The following BBS7 variants were observed in gnomAD, a reference collection of about 807,000 sequenced individuals.
The protein encoded by BBS7 is Bardet-Biedl syndrome 7.
BBS7 carries 50 observed loss-of-function variants against 90.3 expected under a neutral mutation model. The observed-to-expected ratio is 0.55, with a 90% CI of 0.44 to 0.70. The LOEUF (loss-of-function observed/expected upper bound fraction) is 0.70, where lower values mean the gene tolerates loss of function less well. Among genes scored for constraint, BBS7 ranks in the 30% least tolerant of loss-of-function variants. The probability of loss-of-function intolerance (pLI) is 0.00; values close to 1 mark genes in which losing one functional copy is unlikely to be tolerated. For missense variants in BBS7, 729 were observed against 838.9 expected, an observed-to-expected ratio of 0.87 and a Z score of 1.62; for synonymous variants, 235 against 287.4, an observed-to-expected ratio of 0.82 and a Z score of 1.85.
chr4:121,868,160 G>T (rs2149094353), intron 1 of BBS7, 114 bp from the exon 2 acceptor site: 2 of 823,946 alleles, frequency 2.4e-6, no homozygotes, highest in East Asian at 2.6e-5. Flanking sequence ...ACTATTATCA[G>T]TAATTAATTT....
chr4:121,860,417 T>C (rs1229958089), intron 4 of BBS7, among the ~76,000 whole-genome samples: 1 of 152,080 alleles, frequency 6.6e-6, no homozygotes, highest in Non-Finnish European at 1.5e-5. Flanking sequence ...ACCTTACAAA[T>C]GTGGGGATTC....
At chr4:121,833,134 A>G (rs1476688425) in intron 15 of BBS7, 97 bp downstream of exon 15, 1 of 1,183,528 alleles carries the variant, frequency 8.4e-7, no homozygotes, top group African/African-American at 1.5e-5. Flanking sequence ...TAGATTTTCA[A>G]TCAGATTACT....
At position 121,864,236 on chromosome 4, in the gene BBS7, C is replaced by G. The variant is rs114220333; in HGVS notation, c.103-957G>C. Among the ~76,000 whole-genome samples the G allele has an allele frequency of 5.8e-3, 886 of 152,322 alleles. 8 individuals are homozygous for G. Among genetic ancestry groups the G allele is most frequent in the African/African-American group, 0.02 (828 of 41,566 alleles). On this transcript the variant is annotated intron_variant, in intron 2 of 18. Transcript: ENST00000264499. ...CTGGGAGCTCTGATTTAAGAAACTA[C>G]TACTTATCAAGTTTAGGCATAGTAT...
In BBS7 at chr4:121,870,451, G is replaced by C; in HGVS notation, c.-138C>G. The C allele has an allele frequency of 1.1e-6, 1 of 897,330 alleles. No homozygotes were observed. Among genetic ancestry groups the C allele is most frequent in the Admixed American group, 2.0e-5 (1 of 48,894 alleles). The allele number at this position is 897,330 out of a possible 1,614,324, so 55.6% of individuals were successfully genotyped here. On this transcript the variant is annotated 5_prime_UTR_variant, in exon 1 of 19. Transcript: ENST00000264499. ...GCCCCAGCTACCGCGCCTAGGTCCT[G>C]GGCTGCACAGGCGGGGCGACAGGGC...
Position 121,852,997 on chromosome 4 carries a change from T to C in BBS7, c.808A>G (p.Ser270Gly), listed in dbSNP as rs1726402853. 9 of 1,613,736 alleles carry C rather than the reference T, an allele frequency of 5.6e-6. No individual in the cohort carries two copies. The highest frequency in any genetic ancestry group is 6.8e-6 in the Non-Finnish European group (8 of 1,179,840). ...ACAGGTTCATTTGCATTATCAAAAC[T>C]ATACACTTCCACCATTCCGTCATCT... ...GRDDGMVEVYSFDNANEPVLR... is the reference protein window; with the variant it reads ...GRDDGMVEVYGFDNANEPVLR... Residue 270 changes from serine to glycine, a missense_variant, in exon 8 of 19, where the codon AGT becomes GGT. Transcript: ENST00000264499.
Position 121,853,057 on chromosome 4 carries a change from C to A in BBS7, c.748G>T (p.Val250Leu), listed in dbSNP as rs759886973. The A allele has an allele frequency of 6.2e-7, 1 of 1,613,610 alleles. No individual in the cohort carries two copies. The highest frequency in any genetic ancestry group is 8.5e-7 in the Non-Finnish European group (1 of 1,179,650). ...GILCIDSFDI[V>L]GDGVKDLLVG... ...AGTAAATCTTTAACCCCATCACCCACAATGTCAAAGCTGTCAATACACAAA... is the reference window on the plus strand; with the variant it reads ...AGTAAATCTTTAACCCCATCACCCAAAATGTCAAAGCTGTCAATACACAAA... The change falls in exon 8 of 19, where the codon GTG (valine) becomes TTG (leucine). Residue 250 changes from valine to leucine, a missense_variant. By Grantham distance (32) the Val-to-Leu change is conservative. Coordinates refer to ENST00000264499, the MANE Select transcript of BBS7 (RefSeq NM_176824.3).
intron 15 of BBS7, among the ~76,000 whole-genome samples, chr4:121,832,006 A>AC: frequency 8.3e-6 from 1 of 119,854 alleles, no homozygotes; most frequent in African/African-American, 3.5e-5. Context: ...CAAAAAAAAC[A>AC]AAAACACACA....
At chr4:121,842,568 C>A (rs935484378) in intron 12 of BBS7, among the ~76,000 whole-genome samples, 1 of 149,852 alleles carries the variant, frequency 6.7e-6, no homozygotes, top group Non-Finnish European at 1.5e-5. Context: ...CCAAGGAGGT[C>A]GAGGCTGCAG....
At chr4:121,839,186 A>G (rs1191817419) in intron 13 of BBS7, among the ~76,000 whole-genome samples, 10 of 152,190 alleles carry the variant, frequency 6.6e-5, no homozygotes, top group African/African-American at 2.4e-4. Flanking sequence ...TGATTAATAC[A>G]TGGGGATTAA....
intron 4 of BBS7, 185 bp downstream of exon 4, chr4:121,861,319 T>C (rs1310129771): frequency 7.1e-6 from 4 of 563,382 alleles, no homozygotes; most frequent in African/African-American, 5.7e-5. Flanking sequence ...TAAAGTTCTT[T>C]AAAAAAATTT....
At chr4:121,855,447 T>G (rs1257259335) in intron 6 of BBS7, 42 bp downstream of exon 6, 1 of 1,550,886 alleles carries the variant, frequency 6.4e-7, no homozygotes, top group Admixed American at 1.7e-5. Flanking sequence ...CACTTACTAT[T>G]AAAACACATA....
chr4:121,855,332 C>T lies in BBS7; in HGVS notation c.601+157G>A, dbSNP rs115542847. On this transcript the variant is annotated intron_variant, in intron 6 of 18. Coordinates refer to ENST00000264499, the MANE Select transcript of BBS7 (RefSeq NM_176824.3). ...CCCAGCCCCCCAAAAAAGAAAAAAA[C>T]GGAGAATTAAAAGTTCAATAACTCG... 570 of 692,188 alleles carry T rather than the reference C, an allele frequency of 8.2e-4. 3 individuals are homozygous for T. Among genetic ancestry groups the T allele is most frequent in the African/African-American group, 5.2e-3 (289 of 56,072 alleles). The allele number at this position is 692,188 out of a possible 1,614,324, so 42.9% of individuals were successfully genotyped here.
chr4:121,825,977 A>G lies in BBS7; in HGVS notation c.2031T>C (p.Leu677=), dbSNP rs1415551279. ...LERLYGMITD[L]FIDKFKFKGT... ...CTTTAAACTTAAATTTATCTATGAA[A>G]AGATCAGTGATCATGCCTTTAAAGA... Residue 677 remains leucine, a synonymous_variant, in exon 19 of 19, where the codon CTT becomes CTC. Transcript: ENST00000264499. 1 of 1,601,132 alleles carries G rather than the reference A, an allele frequency of 6.2e-7. No homozygotes were observed. The highest frequency in any genetic ancestry group is 1.3e-5 in the African/African-American group (1 of 74,694).
chr4:121,869,474 A>T (rs767222991), intron 1 of BBS7, among the ~76,000 whole-genome samples: 17 of 152,166 alleles, frequency 1.1e-4, no homozygotes, highest in Non-Finnish European at 2.1e-4. Context: ...TCTTATGAGG[A>T]TTAAATATGT....
chr4:121,867,994 C>G lies in BBS7; in HGVS notation c.89G>C (p.Arg30Thr). 6.2e-7 allele frequency: 1 copy of G among 1,613,344 alleles called. No homozygotes were observed. Among genetic ancestry groups the G allele is most frequent in the Non-Finnish European group, 8.5e-7 (1 of 1,179,448 alleles). Residue 30 changes from arginine to threonine, a missense_variant, in exon 2 of 19, where the codon AGA becomes ACA. Transcript: ENST00000264499. Reference sequence around the variant, plus strand: ...TCTATACAGTACCTTTTGTGTAGCTCTGTGTCTTGAGGCAGGAATTAGCTT... The same window carrying G: ...TCTATACAGTACCTTTTGTGTAGCTGTGTGTCTTGAGGCAGGAATTAGCTT... ...TMKLIPASRH[R>T]ATQKVVIGDH...
chr4:121,828,827 G>A, intron 15 of BBS7, 99 bp from the exon 16 acceptor site: 1 of 754,684 alleles, frequency 1.3e-6, no homozygotes, highest in Non-Finnish European at 2.1e-6. Flanking sequence ...GATTTCATTT[G>A]ACTGTAGATT....
intron 8 of BBS7, among the ~76,000 whole-genome samples, chr4:121,850,576 T>C (rs563255903): frequency 1.6e-4 from 24 of 152,348 alleles, no homozygotes; most frequent in South Asian, 6.2e-4. Flanking sequence ...CATAAACATA[T>C]ACAGCAATGT....
intron 11 of BBS7, among the ~76,000 whole-genome samples, chr4:121,844,887 ATC>A (rs1412252826): frequency 6.6e-6 from 1 of 152,192 alleles, no homozygotes; most frequent in African/African-American, 2.4e-5. Context: ...TCTAAGTCAC[ATC>A]TCTGTTAAGA....
Sources: gnomAD v4.1 joint callset for allele counts (sites outside exome capture counted in the v4.1 genomes callset) on GRCh38, gnomAD v4.1.1 for gene constraint, MANE v1.5 for transcripts, NCBI Gene and HGNC (gene_info 2026-07-23, HGNC 2026-07-21) for gene names.